CCDC178: variants seen among roughly 807,000 people sequenced by gnomAD.
CCDC178 encodes coiled-coil domain containing 178, also known as coiled-coil domain-containing protein 178.
A neutral mutation model predicts 117.4 loss-of-function variants in CCDC178; 126 were observed. The ratio of observed to expected loss-of-function variants is 1.07; its 90% CI spans 0.93 to 1.24. The LOEUF is 1.24. Among genes scored for constraint, CCDC178 ranks in the 50% most tolerant of loss-of-function variants. The pLI is 0.00. For synonymous variants in CCDC178, 283 were observed against 313.4 expected, an observed-to-expected ratio of 0.90 and a Z score of 1.02; for missense variants, 1,030 against 986.9, an observed-to-expected ratio of 1.04 and a Z score of -0.59.
At chr18:33,265,599 C>G (rs1487925446) in intron 14 of CCDC178, among the ~76,000 whole-genome samples, 1 of 151,866 alleles carries the variant, frequency 6.6e-6, no homozygotes, top group Non-Finnish European at 1.5e-5. Context: ...AGTACTACTA[C>G]TGTATTTGAA....
intron 5 of CCDC178, among the ~76,000 whole-genome samples, chr18:33,382,634 T>C (rs2063450391): frequency 1.3e-5 from 2 of 152,160 alleles, no homozygotes. Flanking sequence ...GGGAATGTGC[T>C]ACCCAGCGGG....
chr18:33,085,192 A>T (rs1196988963), intron 21 of CCDC178, among the ~76,000 whole-genome samples: 1 of 152,220 alleles, frequency 6.6e-6, no homozygotes, highest in Non-Finnish European at 1.5e-5. Flanking sequence ...TATCTAAATA[A>T]TAGAAATATT....
At chr18:33,193,014 C>A (rs2058880222) in intron 20 of CCDC178, among the ~76,000 whole-genome samples, 1 of 151,268 alleles carries the variant, frequency 6.6e-6, no homozygotes, top group Non-Finnish European at 1.5e-5. Flanking sequence ...AATCCCAGCA[C>A]TTTGGGAGGC....
At chr18:33,071,108 T>G (rs1002533585) in intron 21 of CCDC178, among the ~76,000 whole-genome samples, 1 of 152,120 alleles carries the variant, frequency 6.6e-6, no homozygotes, top group Non-Finnish European at 1.5e-5. Flanking sequence ...ATGGAGAGGT[T>G]TATACAGTGA....
intron 21 of CCDC178, among the ~76,000 whole-genome samples, chr18:32,986,770 CTAAT>C (rs1213477012): frequency 1.3e-5 from 2 of 151,610 alleles, no homozygotes; most frequent in East Asian, 1.9e-4. Context: ...ATTATAATAC[CTAAT>C]TAAAGAGTAT....
chr18:33,216,389 C>T (rs1222269558), intron 18 of CCDC178, among the ~76,000 whole-genome samples: 1 of 152,048 alleles, frequency 6.6e-6, no homozygotes, highest in Non-Finnish European at 1.5e-5. Flanking sequence ...TGTGCAATTC[C>T]AGAATGAACA....
chr18:33,065,057 A>G (rs1598844648), intron 21 of CCDC178, among the ~76,000 whole-genome samples: 1 of 151,208 alleles, frequency 6.6e-6, no homozygotes, highest in Non-Finnish European at 1.5e-5. Flanking sequence ...TTGACATTGT[A>G]GAAGCAAAGA....
At chr18:33,387,646 C>T (rs529759500) in intron 5 of CCDC178, among the ~76,000 whole-genome samples, 2 of 152,168 alleles carry the variant, frequency 1.3e-5, no homozygotes, top group African/African-American at 4.8e-5. Context: ...GCTGGGAGAA[C>T]TGGCTAGCCA....
At chr18:33,096,183 T>A (rs548705662) in intron 20 of CCDC178, among the ~76,000 whole-genome samples, 2 of 151,006 alleles carry the variant, frequency 1.3e-5, no homozygotes, top group African/African-American at 4.9e-5. Context: ...CTCAATTTTC[T>A]CCACTTTCAG....
At chr18:32,998,370 G>C (rs1039343511) in intron 21 of CCDC178, among the ~76,000 whole-genome samples, 1 of 152,010 alleles carries the variant, frequency 6.6e-6, no homozygotes, top group African/African-American at 2.4e-5. Context: ...TGTGCTATGG[G>C]ATCCTAAATA....
At chr18:33,336,995 G>A (rs115104943) in intron 9 of CCDC178, among the ~76,000 whole-genome samples, 10,802 of 152,050 alleles carry the variant, frequency 0.071, 479 homozygotes, top group Non-Finnish European at 0.093. Context: ...TGGCCATATG[G>A]TCATTTTCAC....
At chr18:33,243,953 T>TA (rs113145457) in intron 15 of CCDC178, among the ~76,000 whole-genome samples, 10,181 of 152,040 alleles carry the variant, frequency 0.067, 501 homozygotes, top group African/African-American at 0.14. Flanking sequence ...TATTATTGTA[T>TA]TGCTAAACCA....
intron 12 of CCDC178, among the ~76,000 whole-genome samples, chr18:33,282,165 G>A (rs1328130262): frequency 1.3e-5 from 2 of 152,272 alleles, no homozygotes; most frequent in East Asian, 3.9e-4. Flanking sequence ...AGTGAAACTG[G>A]CTAGGAGCAA....
chr18:33,090,638 AAT>A (rs1377406940), intron 21 of CCDC178, among the ~76,000 whole-genome samples: 1 of 152,216 alleles, frequency 6.6e-6, no homozygotes, highest in Non-Finnish European at 1.5e-5. Flanking sequence ...TAACAGCATC[AAT>A]AAGGCCTCTC....
intron 5 of CCDC178, among the ~76,000 whole-genome samples, chr18:33,379,305 A>G (rs942940496): frequency 6.6e-6 from 1 of 151,382 alleles, no homozygotes; most frequent in African/African-American, 2.4e-5. Flanking sequence ...TTGGTTCTAT[A>G]GCGCTATGCA....
At chr18:33,317,562 C>A (rs867283092) in intron 11 of CCDC178, among the ~76,000 whole-genome samples, 1 of 152,280 alleles carries the variant, frequency 6.6e-6, no homozygotes, top group African/African-American at 2.4e-5. Flanking sequence ...GCACTGTGGA[C>A]TCACCTTGAA....
At chr18:33,328,970 T>G (rs1416147014) in intron 10 of CCDC178, among the ~76,000 whole-genome samples, 4 of 152,294 alleles carry the variant, frequency 2.6e-5, no homozygotes, top group Non-Finnish European at 4.4e-5. Context: ...TCTTATTCAA[T>G]TTATTTCAGC....
chr18:33,363,944 G>T (rs921038687), intron 6 of CCDC178, among the ~76,000 whole-genome samples: 2 of 152,098 alleles, frequency 1.3e-5, no homozygotes, highest in Non-Finnish European at 2.9e-5. Context: ...GTACTCTCCT[G>T]CATTAACAGT....
chr18:33,094,733 C>G (rs999120003), intron 20 of CCDC178, among the ~76,000 whole-genome samples: 5 of 151,868 alleles, frequency 3.3e-5, no homozygotes, highest in African/African-American at 1.2e-4. Context: ...CTGAATGATA[C>G]CAGTTCTTCC....
Sources: gnomAD v4.1 joint callset for allele counts (sites outside exome capture counted in the v4.1 genomes callset) on GRCh38, gnomAD v4.1.1 for gene constraint, MANE v1.5 for transcripts, NCBI Gene and HGNC (gene_info 2026-07-23, HGNC 2026-07-21) for gene names.